Variants in CTNNB1 observed in about 807,000 individuals in gnomAD.
The protein encoded by CTNNB1 is catenin beta-1.
Under a neutral mutation model 82.5 loss-of-function variants are expected in CTNNB1, and 6 were observed. That is an observed-to-expected ratio of 0.07 (90% CI 0.04 to 0.14). The LOEUF (loss-of-function observed/expected upper bound fraction) is 0.14, where lower values mean the gene tolerates loss of function less well. CTNNB1 is among the 10% of genes least tolerant of loss of function. The pLI is 1.00. For missense variants in CTNNB1, 529 were observed against 980.4 expected (o/e 0.54, Z 6.15); for synonymous variants, 312 against 329.7 (o/e 0.95, Z 0.58).
rs565987115 is a variant in CTNNB1 at position 41,215,092 on chromosome 3, A to G, written c.-48-8929A>G. On this transcript the variant is annotated intron_variant, in intron 1 of 14. Transcript: ENST00000349496. ...GCATTTAAGAATCTCTTAGGTTATA[A>G]ATTGGCTGGGCGCAGTGGCTCACGC... is the stretch of plus-strand genomic sequence containing the variant. Among the ~76,000 whole-genome samples, 3 of 152,040 alleles carry G rather than the reference A, an allele frequency of 2.0e-5. No individual in the cohort carries two copies. The East Asian group carries it at 5.8e-4, about 29-fold the overall frequency.
intron 7 of CTNNB1, among the ~76,000 whole-genome samples, chr3:41,230,181 T>C (rs2078275395): frequency 6.6e-6 from 1 of 152,218 alleles, no homozygotes; most frequent in Admixed American, 6.5e-5. Flanking sequence ...AACCATAGTC[T>C]TGGGGATAGA....
At chr3:41,227,905 G>A (rs1488555212) in intron 7 of CTNNB1, among the ~76,000 whole-genome samples, 11 of 152,122 alleles carry the variant, frequency 7.2e-5, no homozygotes, top group Admixed American at 5.9e-4. Flanking sequence ...CCCAGTGTCT[G>A]TTGTTCCCTT....
intron 2 of CTNNB1, chr3:41,224,311 C>A: frequency 1.4e-6 from 1 of 695,642 alleles, no homozygotes; most frequent in Non-Finnish European, 2.5e-6. Flanking sequence ...TACCATTCTT[C>A]CACTGATTCA....
chr3:41,227,442 A>C (rs2125628913), intron 7 of CTNNB1, 90 bp downstream of exon 7: 2 of 1,368,922 alleles, frequency 1.5e-6, no homozygotes. Flanking sequence ...TAGAACTTTA[A>C]CTACTGAAAA....
intron 2 of CTNNB1, 46 bp downstream of exon 2, chr3:41,224,127 G>C: frequency 6.2e-7 from 1 of 1,610,932 alleles, no homozygotes. Context: ...GCTCTGCTTC[G>C]TTGCCATTAA....
intron 1 of CTNNB1, among the ~76,000 whole-genome samples, chr3:41,203,713 G>A (rs1299282917): frequency 6.6e-6 from 1 of 152,090 alleles, no homozygotes; most frequent in East Asian, 1.9e-4. Flanking sequence ...ATAGTGGTGG[G>A]CCATGATGAA....
intron 13 of CTNNB1, 74 bp downstream of exon 13, chr3:41,236,783 AAC>A: frequency 6.3e-7 from 1 of 1,582,322 alleles, no homozygotes; most frequent in Non-Finnish European, 8.7e-7. Context: ...TTCCTCTCAA[AAC>A]ACTTAGTACA....
In CTNNB1 at chr3:41,236,488, A is replaced by G. The variant is rs755534201; in HGVS notation, c.1943A>G (p.Asn648Ser). The G allele has an allele frequency of 1.1e-5, 17 of 1,614,090 alleles. No homozygotes were observed. Among genetic ancestry groups the G allele is most frequent in the Non-Finnish European group, 1.4e-5 (16 of 1,180,032 alleles). Residue 648 changes from asparagine (N) to serine (S), a missense_variant, in exon 12 of 15, where the codon AAT becomes AGT. Asn to Ser is a conservative substitution (Grantham distance 46, BLOSUM62 1). This residue lies in a region of CTNNB1 where 411 missense variants were observed against 776.4 expected (regional missense o/e 0.53). Coordinates refer to ENST00000349496, the MANE Select transcript of CTNNB1 (RefSeq NM_001904.4). ...CTGACAGAGTTACTTCACTCTAGGAATGAAGGTGTGGGTAAGTAAAAAGGA... is the reference window on the plus strand; with the variant it reads ...CTGACAGAGTTACTTCACTCTAGGAGTGAAGGTGTGGGTAAGTAAAAAGGA... ...APLTELLHSR[N>S]EGVATYAAAV...
rs753799399 is a variant in CTNNB1 at position 41,233,554 on chromosome 3, C to T, written c.1211C>T (p.Thr404Ile). 2.5e-6 allele frequency: 4 copies of T among 1,614,156 alleles called. No individual in the cohort carries two copies. The Admixed American group carries it at 5.0e-5, about 20-fold the overall frequency. ...GAAGGGATGGAAGGTCTCCTTGGGACTCTTGTTCAGCTTCTGGGTTCAGAT... is the reference window on the plus strand; with the variant it reads ...GAAGGGATGGAAGGTCTCCTTGGGATTCTTGTTCAGCTTCTGGGTTCAGAT... ...KQEGMEGLLG[T>I]LVQLLGSDDI... The change falls in exon 9 of 15, where the codon ACT becomes ATT. Residue 404 changes from threonine to isoleucine, a missense_variant. Thr to Ile is a moderately conservative substitution (Grantham distance 89). This residue lies in a region of CTNNB1 where 411 missense variants were observed against 776.4 expected (regional missense o/e 0.53). Transcript: ENST00000349496.
intron 6 of CTNNB1, among the ~76,000 whole-genome samples, chr3:41,226,230 A>T (rs1055467036): frequency 5.9e-5 from 9 of 152,258 alleles, no homozygotes; most frequent in African/African-American, 2.2e-4. Context: ...GTTCTTTTAA[A>T]TTTTTGAGTT....
chr3:41,211,302 G>A (rs1337792950), intron 1 of CTNNB1, among the ~76,000 whole-genome samples: 1 of 152,164 alleles, frequency 6.6e-6, no homozygotes, highest in Non-Finnish European at 1.5e-5. Context: ...GTCCTTATGT[G>A]ATGCATGTCT....
At chr3:41,212,671 T>G (rs1364357645) in intron 1 of CTNNB1, among the ~76,000 whole-genome samples, 1 of 152,176 alleles carries the variant, frequency 6.6e-6, no homozygotes, top group Non-Finnish European at 1.5e-5. Context: ...TATTAAACAT[T>G]TGAAATGTGG....
rs1343613721 is a variant in CTNNB1 at position 41,236,515 on chromosome 3, C to T, written c.1954+16C>T. 1.2e-6 allele frequency: 2 copies of T among 1,614,200 alleles called. No individual in the cohort carries two copies. The highest frequency in any genetic ancestry group is 1.7e-5 in the Admixed American group (1 of 60,032). ...GAAGGTGTGGGTAAGTAAAAAGGAA[C>T]CAAAGCCTTTAGCAGATGTGTACAT... On this transcript the variant is annotated intron_variant, in intron 12 of 14. Transcript: ENST00000349496.
chr3:41,216,611 T>G (rs1289455356), intron 1 of CTNNB1, among the ~76,000 whole-genome samples: 1 of 152,268 alleles, frequency 6.6e-6, no homozygotes, highest in Non-Finnish European at 1.5e-5. Flanking sequence ...GTTGCCACAT[T>G]TCTTTTGTAC....
chr3:41,211,420 G>T (rs1325967136), intron 1 of CTNNB1, among the ~76,000 whole-genome samples: 1 of 152,144 alleles, frequency 6.6e-6, no homozygotes, highest in Non-Finnish European at 1.5e-5. Context: ...GGGTGTACAT[G>T]TGCAGGTTTG....
intron 1 of CTNNB1, among the ~76,000 whole-genome samples, chr3:41,201,564 A>T (rs1254743008): frequency 6.6e-6 from 1 of 152,136 alleles, no homozygotes. Context: ...TTCAAGTTTG[A>T]AGTCCTGGGG....
intron 10 of CTNNB1, 175 bp downstream of exon 10, chr3:41,234,472 T>G: frequency 1.4e-6 from 1 of 693,340 alleles, no homozygotes; most frequent in Non-Finnish European, 2.5e-6. Flanking sequence ...AAATAAGGCA[T>G]AGTGTGGCCC....
intron 11 of CTNNB1, 31 bp downstream of exon 11, chr3:41,235,874 A>G (rs375301723): frequency 2.5e-6 from 4 of 1,613,544 alleles, no homozygotes; most frequent in African/African-American, 1.3e-5. Flanking sequence ...TCTAGGTTTT[A>G]TGTCCATAAA....
At chr3:41,222,621 C>G (rs902051077) in intron 1 of CTNNB1, among the ~76,000 whole-genome samples, 5 of 152,184 alleles carry the variant, frequency 3.3e-5, no homozygotes, top group Non-Finnish European at 7.3e-5. Flanking sequence ...GGTCAAGTTA[C>G]TAGGTCAGCC....
Sources: allele counts gnomAD v4.1 joint callset (sites outside exome capture counted in the v4.1 genomes callset), GRCh38; gene constraint gnomAD v4.1.1; regional missense constraint gnomAD v4.1.1; transcripts MANE v1.5; gene names NCBI Gene and HGNC (gene_info 2026-07-23, HGNC 2026-07-21).